PLCB1: variants seen among roughly 807,000 people sequenced by gnomAD.
The protein encoded by PLCB1 is 1-phosphatidylinositol 4,5-bisphosphate phosphodiesterase beta-1.
PLCB1 carries 46 observed loss-of-function variants against 161.8 expected under a neutral mutation model. That is an observed-to-expected ratio of 0.28 (90% CI 0.22 to 0.36). PLCB1 has a LOEUF of 0.36. Ranked by LOEUF, PLCB1 falls within the 10% of genes least tolerant of loss-of-function variation. The pLI, the probability that PLCB1 is intolerant of heterozygous loss-of-function variation, is 1.00. For missense variants in PLCB1, 1,016 were observed against 1,472.5 expected (o/e 0.69, Z 5.07); for synonymous variants, 517 against 503.7 (o/e 1.03, Z -0.35).
intron 2 of PLCB1, among the ~76,000 whole-genome samples, chr20:8,243,044 G>C (rs942103521): frequency 8.5e-5 from 13 of 152,080 alleles, no homozygotes; most frequent in Admixed American, 7.2e-4. Context: ...TTACGGGCAT[G>C]CTATCTGTGG....
At chr20:8,253,080 C>T (rs1245114665) in intron 2 of PLCB1, among the ~76,000 whole-genome samples, 1 of 151,924 alleles carries the variant, frequency 6.6e-6, no homozygotes, top group Non-Finnish European at 1.5e-5. Flanking sequence ...GCCCTCAGAC[C>T]TGAGCATTCC....
intron 3 of PLCB1, among the ~76,000 whole-genome samples, chr20:8,536,387 G>A (rs1985051822): frequency 1.3e-5 from 2 of 152,112 alleles, no homozygotes; most frequent in South Asian, 2.1e-4. Context: ...CTCTCCTCTC[G>A]TACTTCTCCA....
chr20:8,371,354 T>C (rs1306081608), intron 2 of PLCB1, 28 bp from the exon 3 acceptor site: 2 of 1,561,600 alleles, frequency 1.3e-6, no homozygotes, highest in Non-Finnish European at 1.8e-6. Flanking sequence ...GTGTCGTTGC[T>C]TAACGATTTC....
chr20:8,441,863 A>G (rs1404555168), intron 3 of PLCB1, among the ~76,000 whole-genome samples: 4 of 152,348 alleles, frequency 2.6e-5, no homozygotes, highest in Middle Eastern at 3.4e-3. Flanking sequence ...CTAAGCAGCA[A>G]TAAAGCACCT....
At chr20:8,195,341 C>T (rs906048749) in intron 2 of PLCB1, among the ~76,000 whole-genome samples, 3 of 151,946 alleles carry the variant, frequency 2.0e-5, no homozygotes, top group Admixed American at 2.0e-4. Context: ...TTTGGGGCCA[C>T]TGAGGGGTGA....
chr20:8,786,121 A>C (rs1983469915), intron 27 of PLCB1, among the ~76,000 whole-genome samples: 1 of 152,170 alleles, frequency 6.6e-6, no homozygotes, highest in African/African-American at 2.4e-5. Context: ...TGTTGCAGCC[A>C]AGGAAGGTGA....
At chr20:8,510,383 C>CTTTTTTTTTTT (rs11479098) in intron 3 of PLCB1, among the ~76,000 whole-genome samples, 10 of 119,800 alleles carry the variant, frequency 8.3e-5, no homozygotes, top group Non-Finnish European at 1.2e-4. Context: ...TTTTCTTTTT[C>CTTTTTTTTTTT]TTTTTTTTTT....
intron 3 of PLCB1, among the ~76,000 whole-genome samples, chr20:8,392,134 A>G (rs1987629006): frequency 6.6e-6 from 1 of 151,978 alleles, no homozygotes; most frequent in Admixed American, 6.6e-5. Flanking sequence ...AATAGTATTT[A>G]AAGTTGTGGC....
At chr20:8,618,359 T>G (rs934348176) in intron 3 of PLCB1, among the ~76,000 whole-genome samples, 2 of 152,256 alleles carry the variant, frequency 1.3e-5, no homozygotes, top group Non-Finnish European at 2.9e-5. Context: ...TTCCTTTCTA[T>G]TCCCTATTTA....
rs544161937 is a variant in PLCB1, at chr20:8,735,515, T to C, written c.2044-1513T>C. The stretch of plus-strand genomic sequence containing the variant: ...TCATAACTTTCCAATTATGCCTTTG[T>C]TTTCATCTTCTGGCATAGATTTTAT... On this transcript the variant is annotated intron_variant, in intron 19 of 31. Transcript: ENST00000338037. Among the ~76,000 whole-genome samples the C allele has an allele frequency of 3.9e-5, 6 of 152,314 alleles. 1 individual carries two copies. In the South Asian group the frequency reaches 1.2e-3, roughly 32 times the overall value.
At chr20:8,294,460 A>G (rs1157585998) in intron 2 of PLCB1, among the ~76,000 whole-genome samples, 1 of 152,154 alleles carries the variant, frequency 6.6e-6, no homozygotes, top group South Asian at 2.1e-4. Flanking sequence ...TGTACACACA[A>G]TTTATATGCA....
At chr20:8,195,542 T>C (rs1311936946) in intron 2 of PLCB1, among the ~76,000 whole-genome samples, 1 of 152,062 alleles carries the variant, frequency 6.6e-6, no homozygotes, top group Non-Finnish European at 1.5e-5. Flanking sequence ...TACATGACCA[T>C]AGTCCAATTT....
chr20:8,425,237 C>T (rs1384460523), intron 3 of PLCB1, among the ~76,000 whole-genome samples: 1 of 151,580 alleles, frequency 6.6e-6, no homozygotes, highest in African/African-American at 2.4e-5. Flanking sequence ...ACAAAGTTGC[C>T]AAGGAAGACT....
chr20:8,615,573 GA>G (rs1427956544), intron 3 of PLCB1, among the ~76,000 whole-genome samples: 2 of 152,040 alleles, frequency 1.3e-5, no homozygotes, highest in African/African-American at 4.8e-5. Flanking sequence ...AATCCCTTTA[GA>G]AACCATTCTT....
At chr20:8,317,249 A>G (rs1378391550) in intron 2 of PLCB1, among the ~76,000 whole-genome samples, 1 of 152,172 alleles carries the variant, frequency 6.6e-6, no homozygotes, top group East Asian at 1.9e-4. Flanking sequence ...TAAAGTTCTC[A>G]CACTTGAGGG....
chr20:8,727,839 T>C (rs1391482254), intron 17 of PLCB1, among the ~76,000 whole-genome samples: 2 of 152,156 alleles, frequency 1.3e-5, no homozygotes, highest in African/African-American at 4.8e-5. Flanking sequence ...TATGTCCAAA[T>C]AGTAGGGATG....
intron 3 of PLCB1, among the ~76,000 whole-genome samples, chr20:8,608,865 TC>T (rs1481966718): frequency 6.6e-6 from 1 of 152,168 alleles, no homozygotes; most frequent in Non-Finnish European, 1.5e-5. Context: ...TTTACCATAA[TC>T]AGAAGACTGC....
intron 3 of PLCB1, among the ~76,000 whole-genome samples, chr20:8,506,620 T>A (rs1019910263): frequency 1.3e-5 from 2 of 152,204 alleles, no homozygotes; most frequent in Non-Finnish European, 2.9e-5. Flanking sequence ...TGTTGGTTGA[T>A]TATTTATAGG....
chr20:8,246,562 G>C lies in PLCB1; in HGVS notation c.177+96191G>C, dbSNP rs373211778. Among the ~76,000 whole-genome samples, 6 of 152,014 alleles carry C rather than the reference G, an allele frequency of 3.9e-5. No individual in the cohort carries two copies. In the East Asian group the frequency reaches 5.8e-4, roughly 15 times the overall value. ...GATCTCAGGTTCAACCACCTGATGG[G>C]AATTACTACCAGGACACATAGCAGA... On this transcript the variant is annotated intron_variant, in intron 2 of 31. Transcript: ENST00000338037.
Sources: gnomAD v4.1 joint callset for allele counts (sites outside exome capture counted in the v4.1 genomes callset) on GRCh38, gnomAD v4.1.1 for gene constraint, MANE v1.5 for transcripts, NCBI Gene and HGNC (gene_info 2026-07-23, HGNC 2026-07-21) for gene names.